The following RAB27B variants were observed in gnomAD, a reference collection of about 807,000 sequenced individuals.
RAB27B encodes the protein ras-related protein Rab-27B.
A neutral mutation model predicts 24.6 loss-of-function variants in RAB27B; 15 were observed. The observed-to-expected ratio is 0.61, with a 90% CI of 0.41 to 0.94. The LOEUF (loss-of-function observed/expected upper bound fraction) is 0.94, where lower values mean the gene tolerates loss of function less well. Among genes scored for constraint, RAB27B ranks in the 40% least tolerant of loss-of-function variants. RAB27B has a pLI of 0.00. For missense variants in RAB27B, 261 were observed against 266.8 expected (o/e 0.98, Z 0.15); for synonymous variants, 105 against 92.5 (o/e 1.14, Z -0.78).
At chr18:54,804,673 A>T (rs1426304299) in intron 2 of RAB27B, among the ~76,000 whole-genome samples, 1 of 152,190 alleles carries the variant, frequency 6.6e-6, no homozygotes, top group East Asian at 1.9e-4. Context: ...GAGCCATGAA[A>T]ACTAAGTGTA....
chr18:54,807,371 C>T (rs1306539613), intron 2 of RAB27B, among the ~76,000 whole-genome samples: 1 of 152,136 alleles, frequency 6.6e-6, no homozygotes, highest in African/African-American at 2.4e-5. Context: ...GAGCATAAAC[C>T]TTTCCTTGAG....
intron 2 of RAB27B, among the ~76,000 whole-genome samples, chr18:54,726,041 A>T (rs1006901334): frequency 1.2e-4 from 18 of 151,560 alleles, no homozygotes; most frequent in Non-Finnish European, 2.2e-4. Flanking sequence ...TGAAAGTTAG[A>T]GTGGAACTAA....
At chr18:54,752,021 G>A (rs1271283876) in intron 2 of RAB27B, among the ~76,000 whole-genome samples, 1 of 152,088 alleles carries the variant, frequency 6.6e-6, no homozygotes, top group Non-Finnish European at 1.5e-5. Context: ...GCGGCGTTAT[G>A]GTAAGGAGCT....
chr18:54,808,850 C>T (rs1909876122), intron 2 of RAB27B, among the ~76,000 whole-genome samples: 1 of 152,100 alleles, frequency 6.6e-6, no homozygotes, highest in African/African-American at 2.4e-5. Context: ...TAATAGATAT[C>T]TAGCTGTGCT....
At chr18:54,806,970 A>G (rs1023622731) in intron 2 of RAB27B, among the ~76,000 whole-genome samples, 4 of 152,096 alleles carry the variant, frequency 2.6e-5, no homozygotes, top group African/African-American at 9.7e-5. Context: ...CCAGTGGCAC[A>G]ATCTTGGCTC....
chr18:54,873,287 C>T (rs1912550693), intron 1 of RAB27B, among the ~76,000 whole-genome samples: 1 of 152,178 alleles, frequency 6.6e-6, no homozygotes, highest in Non-Finnish European at 1.5e-5. Flanking sequence ...TTTCCCTACT[C>T]TTTTTAGCCC....
intron 1 of RAB27B, among the ~76,000 whole-genome samples, chr18:54,875,644 G>A (rs539656497): frequency 1.3e-5 from 2 of 151,802 alleles, no homozygotes; most frequent in South Asian, 4.2e-4. Flanking sequence ...TAGAGCAAAA[G>A]TATGAATTTG....
At chr18:54,834,395 TAGAC>T (rs536969262) in intron 1 of RAB27B, among the ~76,000 whole-genome samples, 74 of 152,282 alleles carry the variant, frequency 4.9e-4, no homozygotes, top group African/African-American at 1.7e-3. Context: ...TGTATAACTA[TAGAC>T]AGGGCATTCA....
intron 1 of RAB27B, among the ~76,000 whole-genome samples, chr18:54,862,096 G>A (rs1000940163): frequency 6.6e-6 from 1 of 151,558 alleles, no homozygotes; most frequent in Non-Finnish European, 1.5e-5. Context: ...GAAAAATTGA[G>A]TCATGCACCA....
chr18:54,788,873 TGCTCAAG>T (rs1291889278), intron 2 of RAB27B, among the ~76,000 whole-genome samples: 1 of 152,184 alleles, frequency 6.6e-6, no homozygotes, highest in African/African-American at 2.4e-5. Flanking sequence ...CTCACCCCTT[TGCTCAAG>T]GCTTGCATTG....
intron 4 of RAB27B, among the ~76,000 whole-genome samples, chr18:54,887,099 G>A (rs1023929915): frequency 9.0e-6 from 1 of 111,120 alleles, no homozygotes; most frequent in Admixed American, 1.1e-4. Flanking sequence ...TCCCCCCTCC[G>A]CCCACACATA....
intron 2 of RAB27B, among the ~76,000 whole-genome samples, chr18:54,770,828 T>C (rs775285367): frequency 1.3e-5 from 2 of 152,194 alleles, no homozygotes; most frequent in African/African-American, 2.4e-5. Context: ...TTTTTCAACA[T>C]TTTCTGCAGG....
At chr18:54,864,450 GTATT>G (rs1364512918) in intron 1 of RAB27B, among the ~76,000 whole-genome samples, 1 of 151,678 alleles carries the variant, frequency 6.6e-6, no homozygotes, top group Non-Finnish European at 1.5e-5. Flanking sequence ...CCTAGGGGTT[GTATT>G]TTCCTTTTTT....
chr18:54,872,836 T>G (rs939515648), intron 1 of RAB27B, among the ~76,000 whole-genome samples: 12 of 152,076 alleles, frequency 7.9e-5, no homozygotes, highest in Non-Finnish European at 1.5e-4. Flanking sequence ...TTAAATAAAT[T>G]TATACACTCA....
intron 2 of RAB27B, among the ~76,000 whole-genome samples, chr18:54,759,919 T>C (rs1280784424): frequency 1.3e-5 from 2 of 152,158 alleles, no homozygotes; most frequent in African/African-American, 4.8e-5. Context: ...CCACTTTCAT[T>C]GGCAATAAAA....
chr18:54,846,304 C>A (rs1175557877), intron 1 of RAB27B, among the ~76,000 whole-genome samples: 3 of 152,302 alleles, frequency 2.0e-5, no homozygotes, highest in Non-Finnish European at 2.9e-5. Context: ...CTGTTTTGCT[C>A]AGTTGATGAA....
At chr18:54,801,589 C>A (rs571917537) in intron 2 of RAB27B, among the ~76,000 whole-genome samples, 1 of 152,108 alleles carries the variant, frequency 6.6e-6, no homozygotes, top group Non-Finnish European at 1.5e-5. Context: ...GGCATGTTGA[C>A]ATTTTGAGCC....
intron 2 of RAB27B, among the ~76,000 whole-genome samples, chr18:54,751,869 C>T (rs184021140): frequency 1.1e-4 from 17 of 152,272 alleles, no homozygotes; most frequent in Admixed American, 7.2e-4. Context: ...AGCCAGGAAA[C>T]TATAGAAAAT....
intron 2 of RAB27B, among the ~76,000 whole-genome samples, chr18:54,772,420 G>A (rs1166345029): frequency 2.0e-5 from 3 of 152,186 alleles, no homozygotes; most frequent in Non-Finnish European, 4.4e-5. Flanking sequence ...GCCTCTTCTG[G>A]AGAAAAGAGA....
Sources: allele counts gnomAD v4.1 joint callset (sites outside exome capture counted in the v4.1 genomes callset), GRCh38; gene constraint gnomAD v4.1.1; transcripts MANE v1.5; gene names NCBI Gene and HGNC (gene_info 2026-07-23, HGNC 2026-07-21).